Variants in MYO6 observed in about 807,000 individuals in gnomAD.
The protein encoded by MYO6 is unconventional myosin-VI.
A neutral mutation model predicts 178.7 loss-of-function variants in MYO6; 74 were observed. That is an observed-to-expected ratio of 0.41 (90% CI 0.34 to 0.50). The LOEUF is 0.50. MYO6 is among the 20% of genes least tolerant of loss of function. The probability of loss-of-function intolerance (pLI) is 0.09; values close to 1 mark genes in which losing one functional copy is unlikely to be tolerated. For synonymous variants in MYO6, 477 were observed against 504.6 expected, an observed-to-expected ratio of 0.95 and a Z score of 0.73; for missense variants, 1,330 against 1,547.4, an observed-to-expected ratio of 0.86 and a Z score of 2.36.
chr6:75,882,917 A>T (rs1778157918), intron 23 of MYO6, among the ~76,000 whole-genome samples: 1 of 152,196 alleles, frequency 6.6e-6, no homozygotes, highest in African/African-American at 2.4e-5. Context: ...AAATACTGTG[A>T]TGATGAACAA....
At chr6:75,836,256 T>C (rs1773632073) in intron 7 of MYO6, among the ~76,000 whole-genome samples, 1 of 152,250 alleles carries the variant, frequency 6.6e-6, no homozygotes, top group Admixed American at 6.5e-5. Flanking sequence ...GTCTTTAGCT[T>C]CCAGTTTGTT....
chr6:75,757,501 A>T (rs564086332), intron 1 of MYO6, among the ~76,000 whole-genome samples: 1 of 151,154 alleles, frequency 6.6e-6, no homozygotes, highest in East Asian at 2.0e-4. Context: ...GTGGGGAGTC[A>T]GGATAGCTTG....
chr6:75,749,696 A>G (rs924291995), intron 1 of MYO6, among the ~76,000 whole-genome samples: 1 of 152,226 alleles, frequency 6.6e-6, no homozygotes, highest in African/African-American at 2.4e-5. Context: ...GCTCCCAGGT[A>G]GAAGCAGAGC....
At chr6:75,850,923 ATATGTTC>A (rs777756421) in intron 11 of MYO6, among the ~76,000 whole-genome samples, 11 of 152,122 alleles carry the variant, frequency 7.2e-5, no homozygotes, top group Non-Finnish European at 1.0e-4. Flanking sequence ...GCAAAATTAG[ATATGTTC>A]TTAATGTGCA....
chr6:75,907,532 C>A, intron 30 of MYO6, 73 bp from the exon 31 acceptor site: 2 of 1,206,936 alleles, frequency 1.7e-6, no homozygotes, highest in Non-Finnish European at 2.4e-6. Flanking sequence ...CTTATGCATG[C>A]TTTCTTGCCT....
At chr6:75,899,233 A>G (rs1426584072) in intron 30 of MYO6, among the ~76,000 whole-genome samples, 1 of 152,188 alleles carries the variant, frequency 6.6e-6, no homozygotes, top group South Asian at 2.1e-4. Context: ...AGCAATAATC[A>G]TTTGAATTTA....
At chr6:75,837,129 C>A (rs960823404) in intron 7 of MYO6, among the ~76,000 whole-genome samples, 3 of 152,280 alleles carry the variant, frequency 2.0e-5, no homozygotes, top group African/African-American at 7.2e-5. Flanking sequence ...TACTTTCCCC[C>A]ACTATGTACT....
At chr6:75,755,441 G>C (rs1014978295) in intron 1 of MYO6, among the ~76,000 whole-genome samples, 10 of 152,094 alleles carry the variant, frequency 6.6e-5, no homozygotes, top group African/African-American at 2.4e-4. Flanking sequence ...TTATTAAATT[G>C]TTACAGGTTA....
intron 1 of MYO6, among the ~76,000 whole-genome samples, chr6:75,810,365 C>T (rs550476826): frequency 6.6e-6 from 1 of 152,222 alleles, no homozygotes; most frequent in South Asian, 2.1e-4. Context: ...ATATTTGATT[C>T]TCTTCAGGGT....
chr6:75,755,741 A>G (rs762593940), intron 1 of MYO6, among the ~76,000 whole-genome samples: 2 of 152,180 alleles, frequency 1.3e-5, no homozygotes, highest in Non-Finnish European at 2.9e-5. Flanking sequence ...CATTTATTTA[A>G]AACGTACTGT....
intron 34 of MYO6, 125 bp downstream of exon 34, chr6:75,914,406 G>A (rs1039430360): frequency 3.7e-5 from 36 of 981,710 alleles, no homozygotes; most frequent in Non-Finnish European, 5.2e-5. Flanking sequence ...GGAGTCTTGC[G>A]GTTAAATCAC....
intron 30 of MYO6, among the ~76,000 whole-genome samples, chr6:75,901,936 G>T (rs919551015): frequency 4.5e-4 from 68 of 151,232 alleles, no homozygotes; most frequent in African/African-American, 1.5e-3. Context: ...TAGCATGAAG[G>T]GTTGTTGAAT....
chr6:75,826,076 G>A (rs1200032968), intron 3 of MYO6, among the ~76,000 whole-genome samples: 1 of 152,198 alleles, frequency 6.6e-6, no homozygotes, highest in Non-Finnish European at 1.5e-5. Flanking sequence ...GGAAAGGACA[G>A]GAGGAAGGAA....
intron 7 of MYO6, among the ~76,000 whole-genome samples, chr6:75,838,924 T>A (rs908938906): frequency 3.9e-5 from 6 of 152,016 alleles, no homozygotes; most frequent in Admixed American, 2.6e-4. Flanking sequence ...CCTCCCAAAG[T>A]GCTGGGATTA....
In MYO6 at chr6:75,916,897, C is replaced by G. The variant is rs1781151610; in HGVS notation, c.*1885C>G. 6.6e-6 allele frequency: 1 copy of G among 152,156 alleles called. No homozygotes were observed. The highest frequency in any genetic ancestry group is 2.4e-5 in the African/African-American group (1 of 41,436). The allele number at this position is 152,156 out of a possible 1,614,324, so 9.4% of individuals were successfully genotyped here. A position where few individuals can be genotyped will look rare whatever the true frequency, so the allele number is the denominator to read the frequency against. ...GTTGTTATAAGTCCTTAGTTTTTGA[C>G]TCTAATAGTTAATACAATTATAGTT... On this transcript the variant is annotated 3_prime_UTR_variant, in exon 35 of 35. Transcript: ENST00000369977.
Position 75,855,302 on chromosome 6 carries a change from T to C in MYO6, c.1223+19T>C, listed in dbSNP as rs773488158. The C allele has an allele frequency of 1.1e-5, 18 of 1,612,122 alleles. No homozygotes were observed. Among genetic ancestry groups the C allele is most frequent in the Non-Finnish European group, 1.5e-5 (18 of 1,178,860 alleles). On this transcript the variant is annotated intron_variant, in intron 12 of 34. Transcript: ENST00000369977. ...TTATAAAGTAAGTTCCTTAAGTAAT[T>C]GCACTGCAAAAATTTTGCCTTGCAG...
At chr6:75,883,797 AG>A (rs1158057678) in intron 23 of MYO6, among the ~76,000 whole-genome samples, 1 of 152,162 alleles carries the variant, frequency 6.6e-6, no homozygotes, top group Non-Finnish European at 1.5e-5. Flanking sequence ...TACTCATCAG[AG>A]TACCTGAAAT....
intron 12 of MYO6, among the ~76,000 whole-genome samples, chr6:75,856,235 T>C (rs1190270742): frequency 6.6e-6 from 1 of 152,150 alleles, no homozygotes; most frequent in Non-Finnish European, 1.5e-5. Flanking sequence ...AGGCATTGCT[T>C]CCTCCATTTT....
intron 13 of MYO6, among the ~76,000 whole-genome samples, chr6:75,857,907 A>G (rs1289729600): frequency 3.3e-5 from 5 of 152,234 alleles, no homozygotes; most frequent in Admixed American, 3.3e-4. Flanking sequence ...CAATGTGGGC[A>G]TTCTTTCTGA....
Sources: gnomAD v4.1 joint callset for allele counts (sites outside exome capture counted in the v4.1 genomes callset) on GRCh38, gnomAD v4.1.1 for gene constraint, MANE v1.5 for transcripts, NCBI Gene and HGNC (gene_info 2026-07-23, HGNC 2026-07-21) for gene names.